The following ERC1 variants were observed in gnomAD, a reference collection of about 807,000 sequenced individuals.
ERC1 encodes the protein ELKS/RAB6-interacting/CAST family member 1, also known as RAB6 interacting protein 2.
A neutral mutation model predicts 132.0 loss-of-function variants in ERC1; 56 were observed. That is an observed-to-expected ratio of 0.42 (90% CI 0.34 to 0.53). ERC1 has a LOEUF of 0.53. Among genes scored for constraint, ERC1 ranks in the 20% least tolerant of loss-of-function variants. ERC1 has a pLI of 0.03. For synonymous variants in ERC1, 478 were observed against 476.1 expected (o/e 1.00, Z -0.05); for missense variants, 1,202 against 1,349.9 (o/e 0.89, Z 1.72).
intron 18 of ERC1, among the ~76,000 whole-genome samples, chr12:1,464,089 T>C (rs139115564): frequency 2.6e-5 from 4 of 152,276 alleles, no homozygotes; most frequent in East Asian, 1.9e-4. Flanking sequence ...AGGAACTCTT[T>C]TACGCAGTTG....
intron 2 of ERC1, among the ~76,000 whole-genome samples, chr12:1,040,411 A>G (rs1176177210): frequency 1.4e-5 from 2 of 144,252 alleles, no homozygotes; most frequent in Non-Finnish European, 3.0e-5. Flanking sequence ...AGTTCATGTC[A>G]TTCTCCTGCC....
intron 1 of ERC1, among the ~76,000 whole-genome samples, chr12:1,003,504 TTTGTGAATA>T (rs1962875601): frequency 6.6e-6 from 1 of 152,248 alleles, no homozygotes; most frequent in Non-Finnish European, 1.5e-5. Context: ...AACCATATCA[TTTGTGAATA>T]ATTACTGTTT....
intron 2 of ERC1, among the ~76,000 whole-genome samples, chr12:1,030,115 G>T (rs1459690466): frequency 6.6e-6 from 1 of 152,032 alleles, no homozygotes; most frequent in African/African-American, 2.4e-5. Context: ...GGCCCAAGTT[G>T]TCTGTACTTT....
intron 12 of ERC1, among the ~76,000 whole-genome samples, chr12:1,196,253 C>T (rs1016741808): frequency 7.9e-5 from 12 of 152,158 alleles, no homozygotes; most frequent in African/African-American, 2.9e-4. Flanking sequence ...TCTGCCTCCA[C>T]CTCATCCCCC....
intron 17 of ERC1, among the ~76,000 whole-genome samples, chr12:1,432,131 G>A (rs140797140): frequency 7.9e-5 from 12 of 152,202 alleles, no homozygotes; most frequent in Non-Finnish European, 1.6e-4. Flanking sequence ...CTCCCACCTC[G>A]ACCTCCCAAA....
chr12:1,148,476 G>A (rs1950568892), intron 8 of ERC1, among the ~76,000 whole-genome samples: 1 of 152,124 alleles, frequency 6.6e-6, no homozygotes, highest in Admixed American at 6.5e-5. Context: ...TAATTGTGCT[G>A]TCTTAGTACA....
At chr12:1,100,187 A>G (rs1213749480) in intron 3 of ERC1, among the ~76,000 whole-genome samples, 1 of 152,038 alleles carries the variant, frequency 6.6e-6, no homozygotes, top group Non-Finnish European at 1.5e-5. Context: ...AGTTAAGGGA[A>G]GGAGAGAGCC....
intron 8 of ERC1, among the ~76,000 whole-genome samples, chr12:1,162,497 T>G (rs1422756714): frequency 6.6e-6 from 1 of 152,032 alleles, no homozygotes; most frequent in Admixed American, 6.6e-5. Flanking sequence ...GTTTTTTTTT[T>G]TTGTCCTAGT....
At chr12:1,476,444 A>G (rs191162510) in intron 18 of ERC1, among the ~76,000 whole-genome samples, 1 of 152,292 alleles carries the variant, frequency 6.6e-6, no homozygotes, top group East Asian at 1.9e-4. Context: ...AAAGAAAGAA[A>G]AAACTAAATT....
At chr12:1,229,597 G>A (rs975529484) in intron 12 of ERC1, among the ~76,000 whole-genome samples, 10 of 152,168 alleles carry the variant, frequency 6.6e-5, no homozygotes, top group African/African-American at 2.2e-4. Context: ...GGTTATCCAA[G>A]TTGTTGGTGT....
At chr12:1,345,864 T>C (rs1257538196) in intron 15 of ERC1, among the ~76,000 whole-genome samples, 1 of 152,238 alleles carries the variant, frequency 6.6e-6, no homozygotes, top group Admixed American at 6.5e-5. Flanking sequence ...TGCTGAATTC[T>C]GGTTTTCTTG....
intron 18 of ERC1, among the ~76,000 whole-genome samples, chr12:1,470,640 C>T (rs993755971): frequency 2.0e-5 from 3 of 152,058 alleles, no homozygotes; most frequent in Non-Finnish European, 2.9e-5. Context: ...TTAATTTGAA[C>T]GTCTCTGTTC....
At chr12:1,270,654 T>A (rs1413350013) in intron 14 of ERC1, among the ~76,000 whole-genome samples, 2 of 151,650 alleles carry the variant, frequency 1.3e-5, no homozygotes, top group Non-Finnish European at 2.9e-5. Context: ...AATAATTTTC[T>A]TATAATATTT....
intron 8 of ERC1, among the ~76,000 whole-genome samples, chr12:1,147,970 A>G (rs1273998811): frequency 2.6e-5 from 4 of 152,168 alleles, no homozygotes; most frequent in Non-Finnish European, 4.4e-5. Context: ...CTCTCATTCT[A>G]TAAGGATTAC....
chr12:1,384,570 A>G (rs1367548286), intron 16 of ERC1, among the ~76,000 whole-genome samples: 1 of 152,194 alleles, frequency 6.6e-6, no homozygotes, highest in East Asian at 1.9e-4. Flanking sequence ...ATTAATTTGC[A>G]TACTTAACAG....
At chr12:1,112,861 T>G (rs914115564) in intron 6 of ERC1, among the ~76,000 whole-genome samples, 10 of 152,222 alleles carry the variant, frequency 6.6e-5, no homozygotes, top group African/African-American at 2.4e-4. Flanking sequence ...TAGTTCAATA[T>G]TCTAATGAAC....
At chr12:1,266,272 C>G (rs1022107163) in intron 14 of ERC1, among the ~76,000 whole-genome samples, 1 of 151,710 alleles carries the variant, frequency 6.6e-6, no homozygotes, top group Non-Finnish European at 1.5e-5. Flanking sequence ...GTTATTTGAA[C>G]TTTAAGTGGT....
At position 1,083,364 on chromosome 12, in the gene ERC1, A is replaced by G; in HGVS notation, c.870A>G (p.Glu290=). Reference sequence around the variant, plus strand: ...TTCTTCTTCGAAAGACATTGGAGGAAATGGAGCTGCGTATTGAGACTCAAA... The same window carrying G: ...TTCTTCTTCGAAAGACATTGGAGGAGATGGAGCTGCGTATTGAGACTCAAA... ...ELFLLRKTLE[E]MELRIETQKQ... Residue 290 remains glutamate, a synonymous_variant, in exon 3 of 19, where the codon GAA becomes GAG. Transcript: ENST00000360905. 9 of 1,614,158 alleles carry G rather than the reference A, an allele frequency of 5.6e-6. No individual in the cohort carries two copies. The highest frequency in any genetic ancestry group is 6.8e-6 in the Non-Finnish European group (8 of 1,180,018).
chr12:1,440,287 C>T (rs1323014774), intron 17 of ERC1, among the ~76,000 whole-genome samples: 13 of 145,084 alleles, frequency 9.0e-5, no homozygotes, highest in African/African-American at 2.9e-4. Flanking sequence ...TCACTGCAAG[C>T]TCCGCCTCCT....
Sources: gnomAD v4.1 joint callset for allele counts (sites outside exome capture counted in the v4.1 genomes callset) on GRCh38, gnomAD v4.1.1 for gene constraint, MANE v1.5 for transcripts, NCBI Gene and HGNC (gene_info 2026-07-23, HGNC 2026-07-21) for gene names.